The following DNAH12 variants were observed in gnomAD, a reference collection of about 807,000 sequenced individuals.
DNAH12 encodes axonemal beta dynein heavy chain 12.
A neutral mutation model predicts 371.5 loss-of-function variants in DNAH12; 285 were observed. The observed-to-expected ratio is 0.77, with a 90% CI of 0.70 to 0.85. The LOEUF is 0.85. Ranked by LOEUF, DNAH12 falls within the 40% of genes least tolerant of loss-of-function variation. The pLI is 0.00. For synonymous variants in DNAH12, 1,200 were observed against 1,213.0 expected (o/e 0.99, Z 0.22); for missense variants, 3,611 against 3,689.4 (o/e 0.98, Z 0.55).
intron 39 of DNAH12, among the ~76,000 whole-genome samples, chr3:57,411,526 C>CAAAAAAA (rs57344840): frequency 7.2e-4 from 28 of 39,116 alleles, no homozygotes; most frequent in Non-Finnish European, 1.1e-3. Flanking sequence ...GACACTGTCT[C>CAAAAAAA]AAAAAAAAAA....
At chr3:57,476,840 T>C (rs1411375748) in intron 13 of DNAH12, among the ~76,000 whole-genome samples, 1 of 152,156 alleles carries the variant, frequency 6.6e-6, no homozygotes, top group Non-Finnish European at 1.5e-5. Flanking sequence ...AAAAACATAC[T>C]ATTAAATGCA....
At chr3:57,528,169 C>T (rs542302090) in intron 2 of DNAH12, among the ~76,000 whole-genome samples, 45 of 151,978 alleles carry the variant, frequency 3.0e-4, no homozygotes, top group African/African-American at 9.6e-4. Flanking sequence ...GCTGGGATTA[C>T]AGGCATGCAC....
chr3:57,407,430 C>A (rs2064073005), intron 40 of DNAH12, among the ~76,000 whole-genome samples: 1 of 152,026 alleles, frequency 6.6e-6, no homozygotes, highest in Admixed American at 6.6e-5. Context: ...TGTATCAGAA[C>A]AAATGTACTA....
intron 47 of DNAH12, among the ~76,000 whole-genome samples, chr3:57,386,036 T>C (rs1315979713): frequency 6.6e-6 from 1 of 152,000 alleles, no homozygotes; most frequent in Non-Finnish European, 1.5e-5. Flanking sequence ...CAACCAAACC[T>C]CTATTACTTA....
At chr3:57,403,053 G>A (rs1005823388) in intron 43 of DNAH12, among the ~76,000 whole-genome samples, 1 of 152,002 alleles carries the variant, frequency 6.6e-6, no homozygotes, top group African/African-American at 2.4e-5. Flanking sequence ...ACTCAGCTTC[G>A]GTAAAACACA....
In DNAH12 at chr3:57,491,099, A is replaced by AAAAAAAAAC. The variant is rs56259991; in HGVS notation, c.1336-1413_1336-1412insGTTTTTTTT. On this transcript the variant is annotated intron_variant, in intron 11 of 73. Transcript: ENST00000495027. ...TCTATCTCAAAAAAAAAAAAAAAAA[A>AAAAAAAAAC]AACAACAAATAAAGGGTAGACAGAA... Among the ~76,000 whole-genome samples, 230 of 112,714 alleles carry AAAAAAAAAC rather than the reference A, an allele frequency of 2.0e-3. 2 individuals carry two copies. Among genetic ancestry groups the AAAAAAAAAC allele is most frequent in the African/African-American group, 4.4e-3 (125 of 28,654 alleles). The allele number at this position is 112,714 out of a possible 152,430, so 73.9% of individuals were successfully genotyped here.
chr3:57,501,651 T>C (rs1402439513), intron 10 of DNAH12, among the ~76,000 whole-genome samples: 2 of 152,152 alleles, frequency 1.3e-5, no homozygotes, highest in Non-Finnish European at 2.9e-5. Context: ...AACTTAGGGG[T>C]ACATATACAC....
chr3:57,548,303 G>A (rs1381751033), upstream of DNAH12, among the ~76,000 whole-genome samples: 1 of 152,042 alleles, frequency 6.6e-6, no homozygotes, highest in Non-Finnish European at 1.5e-5. Context: ...GGCTTCCAGG[G>A]GCCATTCTGG....
intron 13 of DNAH12, among the ~76,000 whole-genome samples, chr3:57,474,102 A>G (rs576399425): frequency 6.6e-6 from 1 of 152,302 alleles, no homozygotes; most frequent in South Asian, 2.1e-4. Flanking sequence ...CTGCTATTCA[A>G]CATTGTACTA....
intron 19 of DNAH12, 128 bp downstream of exon 19, chr3:57,461,361 A>C: frequency 1.4e-6 from 1 of 722,590 alleles, no homozygotes; most frequent in Non-Finnish European, 2.2e-6. Context: ...TATCAAAGTT[A>C]TAGGTCTATG....
chr3:57,464,425 A>G (rs2066140620), intron 17 of DNAH12, among the ~76,000 whole-genome samples: 1 of 152,164 alleles, frequency 6.6e-6, no homozygotes, highest in Admixed American at 6.6e-5. Context: ...CAGCGCTCCC[A>G]TCAGGTACTA....
intron 55 of DNAH12, among the ~76,000 whole-genome samples, chr3:57,374,173 C>T (rs1217737114): frequency 1.3e-5 from 2 of 152,182 alleles, no homozygotes; most frequent in African/African-American, 2.4e-5. Context: ...GACTCTATCA[C>T]TTATTCACTA....
intron 69 of DNAH12, among the ~76,000 whole-genome samples, chr3:57,305,848 C>T (rs2061458406): frequency 6.6e-6 from 1 of 152,194 alleles, no homozygotes; most frequent in Admixed American, 6.5e-5. Flanking sequence ...CTTGCCTCCA[C>T]TGTGAGACAA....
intron 43 of DNAH12, among the ~76,000 whole-genome samples, chr3:57,401,921 A>G (rs2063880965): frequency 6.6e-6 from 1 of 152,228 alleles, no homozygotes. Flanking sequence ...CCTAGAAACT[A>G]AAGCACCGAT....
At chr3:57,400,972 A>C (rs2063844479) in intron 43 of DNAH12, among the ~76,000 whole-genome samples, 8 of 152,236 alleles carry the variant, frequency 5.3e-5, no homozygotes, top group Non-Finnish European at 1.0e-4. Context: ...CCACAAAACA[A>C]GTCTTAACAA....
chr3:57,433,438 C>T lies in DNAH12; in HGVS notation c.4909G>A (p.Val1637Ile). ...ALSETPDRKW[V>I]VFDGPIDTLW... ...GTGTCAATAGGACCATCAAATACAA[C>T]CCATTTCCGGTCAGGTGTTTCTGAT... Residue 1637 changes from valine to isoleucine, a missense_variant, in exon 32 of 74, where the codon GTT (valine) becomes ATT (isoleucine). By Grantham distance (29) the Val-to-Ile change is conservative. Transcript: ENST00000495027. The T allele has an allele frequency of 6.4e-6, 10 of 1,551,506 alleles. No homozygotes were observed. Among genetic ancestry groups the T allele is most frequent in the Non-Finnish European group, 8.7e-6 (10 of 1,146,920 alleles).
chr3:57,384,134 C>T (rs902053217), intron 49 of DNAH12, among the ~76,000 whole-genome samples: 22 of 152,040 alleles, frequency 1.4e-4, no homozygotes, highest in Admixed American at 8.5e-4. Flanking sequence ...TAAAAAGTTA[C>T]GTACAACATA....
At chr3:57,297,045 T>C (rs571907702) in intron 70 of DNAH12, 61 bp from the exon 71 acceptor site, 5 of 1,526,582 alleles carry the variant, frequency 3.3e-6, no homozygotes, top group East Asian at 4.9e-5. Context: ...TGCCACCTGA[T>C]GTACAATTCC....
rs1376336639 is a variant in DNAH12, at chr3:57,408,363, T to C, written c.6193A>G (p.Ile2065Val). 15 of 1,551,444 alleles carry C rather than the reference T, an allele frequency of 9.7e-6. No homozygotes were observed. The highest frequency in any genetic ancestry group is 4.8e-5 in the South Asian group (4 of 84,056). The change falls in exon 40 of 74, where the codon ATT (isoleucine) becomes GTT (valine). Residue 2065 changes from isoleucine to valine, a missense_variant. By Grantham distance (29) the Ile-to-Val change is conservative. Transcript: ENST00000495027. ...DETMVRIFSS[I>V]VAFYLRTHEF... is the part of the protein sequence containing the mutation. ...TGAGTTCTAAGGTAGAATGCTACAA[T>C]AGATGAGAAGATTCGGACCATAGTT...
Sources: gnomAD v4.1 joint callset for allele counts (sites outside exome capture counted in the v4.1 genomes callset) on GRCh38, gnomAD v4.1.1 for gene constraint, MANE v1.5 for transcripts, NCBI Gene and HGNC (gene_info 2026-07-23, HGNC 2026-07-21) for gene names.